The following BBS9 variants were observed in gnomAD, a reference collection of about 807,000 sequenced individuals.
The protein encoded by BBS9 is Bardet-Biedl syndrome 9, also known as protein PTHB1.
Under a neutral mutation model 117.7 loss-of-function variants are expected in BBS9, and 89 were observed. The ratio of observed to expected loss-of-function variants is 0.76; its 90% CI spans 0.64 to 0.90. The LOEUF (loss-of-function observed/expected upper bound fraction) is 0.90. Ranked by LOEUF, BBS9 falls within the 40% of genes least tolerant of loss-of-function variation. The pLI, the probability that BBS9 is intolerant of heterozygous loss-of-function variation, is 0.00. For synonymous variants in BBS9, 379 were observed against 370.9 expected (o/e 1.02, Z -0.25); for missense variants, 982 against 1,042.2 (o/e 0.94, Z 0.80).
At chr7:33,256,482 CT>C (rs149332483) in intron 5 of BBS9, among the ~76,000 whole-genome samples, 3 of 151,790 alleles carry the variant, frequency 2.0e-5, no homozygotes, top group Non-Finnish European at 2.9e-5. Context: ...TGTTCTCTCT[CT>C]TTTTTTCTTT....
downstream of BBS9, among the ~76,000 whole-genome samples, chr7:33,607,254 T>C (rs920321761): frequency 4.6e-5 from 7 of 152,132 alleles, no homozygotes; most frequent in African/African-American, 1.4e-4. Flanking sequence ...ATTTAGAACA[T>C]TGTGGTCTAA....
chr7:33,438,758 A>G (rs1835685241), intron 19 of BBS9, among the ~76,000 whole-genome samples: 1 of 152,226 alleles, frequency 6.6e-6, no homozygotes. Context: ...TGGGCTATAT[A>G]CATGCTAATA....
chr7:33,231,046 A>G (rs1792278369), intron 5 of BBS9, among the ~76,000 whole-genome samples: 1 of 152,194 alleles, frequency 6.6e-6, no homozygotes, highest in Non-Finnish European at 1.5e-5. Flanking sequence ...CCAGCAGAGT[A>G]CAAGTGTTCC....
At chr7:33,457,556 A>G (rs1584901029) in intron 19 of BBS9, among the ~76,000 whole-genome samples, 1 of 152,316 alleles carries the variant, frequency 6.6e-6, no homozygotes, top group Non-Finnish European at 1.5e-5. Flanking sequence ...GAGATCAGAT[A>G]CCTTCTGAAA....
At chr7:33,495,590 G>A (rs567204842) in intron 19 of BBS9, among the ~76,000 whole-genome samples, 11 of 151,986 alleles carry the variant, frequency 7.2e-5, no homozygotes, top group Non-Finnish European at 1.6e-4. Flanking sequence ...ACCATAGTCC[G>A]GAGAACATTC....
chr7:33,471,182 C>G (rs1056968977), intron 19 of BBS9, among the ~76,000 whole-genome samples: 3 of 152,162 alleles, frequency 2.0e-5, no homozygotes, highest in Non-Finnish European at 4.4e-5. Flanking sequence ...CCTGTTTCAT[C>G]CTCCTTTTAC....
At chr7:33,572,964 G>A (rs1192141740) in intron 21 of BBS9, among the ~76,000 whole-genome samples, 4 of 151,946 alleles carry the variant, frequency 2.6e-5, no homozygotes, top group Non-Finnish European at 5.9e-5. Flanking sequence ...GATTTGAGCA[G>A]AGGAAAATAA....
At chr7:33,550,608 G>A (rs1247464274) in intron 21 of BBS9, among the ~76,000 whole-genome samples, 1 of 152,010 alleles carries the variant, frequency 6.6e-6, no homozygotes, top group Non-Finnish European at 1.5e-5. Context: ...CATGCTGAAT[G>A]AAGCCAGATC....
At chr7:33,449,923 A>G (rs974454512) in intron 19 of BBS9, among the ~76,000 whole-genome samples, 3 of 152,178 alleles carry the variant, frequency 2.0e-5, no homozygotes, top group African/African-American at 7.2e-5. Context: ...TGTATAGTAC[A>G]ATATTGTCCA....
chr7:33,477,954 A>G (rs1403794109), intron 19 of BBS9, among the ~76,000 whole-genome samples: 1 of 152,158 alleles, frequency 6.6e-6, no homozygotes, highest in Non-Finnish European at 1.5e-5. Flanking sequence ...GGAAGAAGTG[A>G]AAGGTTTTCA....
intron 5 of BBS9, among the ~76,000 whole-genome samples, chr7:33,185,527 T>C (rs1221767143): frequency 6.6e-6 from 1 of 152,174 alleles, no homozygotes; most frequent in African/African-American, 2.4e-5. Context: ...AGAACTTAGG[T>C]AGAAGAAAGT....
chr7:33,605,261 C>A lies in BBS9; in HGVS notation c.*35C>A. The A allele has an allele frequency of 6.2e-7, 1 of 1,600,746 alleles. No homozygotes were observed. The highest frequency in any genetic ancestry group is 1.1e-5 in the South Asian group (1 of 90,812). ...AGTTGTTTGGTTGAGAGGAACATCCCCATCTCAAGGCCGAACCTGTGTGAA... is the reference window on the plus strand; with the variant it reads ...AGTTGTTTGGTTGAGAGGAACATCCACATCTCAAGGCCGAACCTGTGTGAA... On this transcript the variant is annotated 3_prime_UTR_variant, in exon 23 of 23. Coordinates refer to ENST00000242067, the MANE Select transcript of BBS9 (RefSeq NM_198428.3).
At position 33,191,948 on chromosome 7, in the gene BBS9, TA is replaced by T. The variant is rs879731779; in HGVS notation, c.442+14370del. The stretch of plus-strand genomic sequence containing the variant: ...GGCATATTTAAAACATATGTACCGG[TA>T]AAAAAAAAAAAAGTAAATGATTAAG... On this transcript the variant is annotated intron_variant, in intron 5 of 22. Transcript: ENST00000242067. Among the ~76,000 whole-genome samples, 591 of 140,734 alleles carry T rather than the reference TA, an allele frequency of 4.2e-3. 1 individual carries two copies. The highest frequency in any genetic ancestry group is 8.6e-3 in the African/African-American group (333 of 38,500). 92.3% of individuals were successfully genotyped at this position (140,734 alleles called of 152,430 possible).
At chr7:33,296,576 C>A (rs1026086807) in intron 9 of BBS9, among the ~76,000 whole-genome samples, 1 of 152,178 alleles carries the variant, frequency 6.6e-6, no homozygotes, top group African/African-American at 2.4e-5. Flanking sequence ...CTGACCCAAA[C>A]TTGGCAATTC....
chr7:33,492,980 T>C (rs1844220543), intron 19 of BBS9, among the ~76,000 whole-genome samples: 1 of 151,272 alleles, frequency 6.6e-6, no homozygotes, highest in African/African-American at 2.4e-5. Context: ...CCTCTGCTCT[T>C]AGTCTTCTTC....
At chr7:33,294,169 A>T (rs538975214) in intron 9 of BBS9, among the ~76,000 whole-genome samples, 2 of 152,316 alleles carry the variant, frequency 1.3e-5, no homozygotes, top group East Asian at 3.9e-4. Flanking sequence ...AATTAAAACA[A>T]TAAGACTACT....
chr7:33,481,494 A>C (rs966672872), intron 19 of BBS9, among the ~76,000 whole-genome samples: 2 of 151,888 alleles, frequency 1.3e-5, no homozygotes, highest in Non-Finnish European at 2.9e-5. Flanking sequence ...ATATGATATT[A>C]TATAATGTTG....
intron 19 of BBS9, among the ~76,000 whole-genome samples, chr7:33,490,742 C>G (rs1843778282): frequency 1.3e-5 from 2 of 152,244 alleles, no homozygotes; most frequent in Non-Finnish European, 2.9e-5. Context: ...AGCTTCTATT[C>G]TATTAATAAG....
At chr7:33,361,530 C>A (rs949642775) in intron 16 of BBS9, among the ~76,000 whole-genome samples, 1 of 152,010 alleles carries the variant, frequency 6.6e-6, no homozygotes, top group Non-Finnish European at 1.5e-5. Flanking sequence ...AATTGTATCA[C>A]GTTATACTCC....
Sources: gnomAD v4.1 joint callset for allele counts (sites outside exome capture counted in the v4.1 genomes callset) on GRCh38, gnomAD v4.1.1 for gene constraint, MANE v1.5 for transcripts, NCBI Gene and HGNC (gene_info 2026-07-23, HGNC 2026-07-21) for gene names.